The following OSGIN2 variants were observed in gnomAD, a reference collection of about 807,000 sequenced individuals.
OSGIN2 encodes oxidative stress induced growth inhibitor family member 2.
Under a neutral mutation model 53.8 loss-of-function variants are expected in OSGIN2, and 19 were observed. The ratio of observed to expected loss-of-function variants is 0.35; its 90% CI spans 0.25 to 0.52. The LOEUF is 0.52. Ranked by LOEUF, OSGIN2 falls within the 20% of genes least tolerant of loss-of-function variation. The probability of loss-of-function intolerance (pLI) is 0.95; values close to 1 mark genes in which losing one functional copy is unlikely to be tolerated. For synonymous variants in OSGIN2, 236 were observed against 236.0 expected (o/e 1.00, Z 0.00); for missense variants, 520 against 662.7 (o/e 0.78, Z 2.36).
At chr8:89,914,004 A>C in intron 2 of OSGIN2, 73 bp from the exon 3 acceptor site, 1 of 1,296,596 alleles carries the variant, frequency 7.7e-7, no homozygotes, top group Non-Finnish European at 1.1e-6. Context: ...CCATCTTCAA[A>C]GTAGGACAAA....
chr8:89,913,494 T>TA (rs1809013129), intron 2 of OSGIN2, among the ~76,000 whole-genome samples: 1 of 152,300 alleles, frequency 6.6e-6, no homozygotes, highest in East Asian at 1.9e-4. Context: ...TACCAAAACT[T>TA]ATGTGAATGT....
At chr8:89,905,598 GTTT>G (rs1808824161) in intron 1 of OSGIN2, among the ~76,000 whole-genome samples, 1 of 152,174 alleles carries the variant, frequency 6.6e-6, no homozygotes, top group Admixed American at 6.5e-5. Flanking sequence ...CACACTTTCC[GTTT>G]TTGTTTCCTT....
Position 89,924,700 on chromosome 8 carries a change from A to G in OSGIN2, c.818A>G (p.Asn273Ser), listed in dbSNP as rs778855680. Residue 273 changes from asparagine (N) to serine (S), a missense_variant, in exon 6 of 6, where the codon AAC (asparagine) becomes AGC (serine). Physicochemically the swap from Asn to Ser is conservative, Grantham distance 46 (BLOSUM62 1). Around this residue, in one of 3 missense-constraint regions of OSGIN2, gnomAD observed 78 missense variants for 59.1 expected, o/e 1.32. Transcript: ENST00000451899. Reference protein sequence around the residue: ...STKHLQIEKSNFIKRNWEIRG... With the variant: ...STKHLQIEKSSFIKRNWEIRG... ...AAGCATTTACAGATAGAGAAGTCAAACTTTATCAAGAGAAACTGGGAAATT... is the reference window on the plus strand; with the variant it reads ...AAGCATTTACAGATAGAGAAGTCAAGCTTTATCAAGAGAAACTGGGAAATT... 4 of 1,613,948 alleles carry G rather than the reference A, an allele frequency of 2.5e-6. No homozygotes were observed. The highest frequency in any genetic ancestry group is 2.5e-6 in the Non-Finnish European group (3 of 1,179,926).
chr8:89,913,829 T>C (rs1809021033), intron 2 of OSGIN2, among the ~76,000 whole-genome samples: 1 of 152,088 alleles, frequency 6.6e-6, no homozygotes, highest in Non-Finnish European at 1.5e-5. Flanking sequence ...CCTTGGGAAA[T>C]AGGTCAATTT....
chr8:89,925,358 A>C lies in OSGIN2; in HGVS notation c.1476A>C (p.Thr492=). 6.2e-7 allele frequency: 1 copy of C among 1,614,152 alleles called. No homozygotes were observed. The highest frequency in any genetic ancestry group is 8.5e-7 in the Non-Finnish European group (1 of 1,179,980). The change falls in exon 6 of 6, where the codon ACA becomes ACC. Residue 492 remains threonine, a synonymous_variant. Transcript: ENST00000451899. ...TCKGNPVEID[T]YTYECIKEAN... is the part of the protein sequence containing the mutation. ...AGGGTAATCCTGTGGAAATAGATAC[A>C]TATACCTATGAGTGTATTAAAGAAG...
intron 2 of OSGIN2, among the ~76,000 whole-genome samples, chr8:89,909,945 C>T (rs927349693): frequency 7.2e-5 from 11 of 152,148 alleles, no homozygotes; most frequent in East Asian, 1.9e-4. Flanking sequence ...GATATTACTA[C>T]ATTATTTTAA....
intron 5 of OSGIN2, among the ~76,000 whole-genome samples, 149 bp from the exon 6 acceptor site, chr8:89,924,348 CTAAAAA>C (rs985670499): frequency 4.6e-5 from 7 of 151,784 alleles, no homozygotes; most frequent in Admixed American, 1.3e-4. Flanking sequence ...AGATTTTTAA[CTAAAAA>C]TAGTTTTTTT....
At chr8:89,906,433 C>T (rs992194793) in intron 1 of OSGIN2, among the ~76,000 whole-genome samples, 34 of 152,012 alleles carry the variant, frequency 2.2e-4, no homozygotes, top group African/African-American at 8.2e-4. Context: ...CTCCTCCCAC[C>T]CTTCATCCTC....
At position 89,925,238 on chromosome 8, in the gene OSGIN2, A is replaced by G; in HGVS notation, c.1356A>G (p.Ala452=). 6.2e-7 allele frequency: 1 copy of G among 1,614,162 alleles called. No homozygotes were observed. The highest frequency in any genetic ancestry group is 8.5e-7 in the Non-Finnish European group (1 of 1,180,012). The change falls in exon 6 of 6, where the codon GCA becomes GCG. Residue 452 remains alanine (A), a synonymous_variant. Transcript: ENST00000451899. ...SGLKKIFKLS[A]AVVLIGSHPN... ...TGAAGAAAATATTTAAGCTGTCTGC[A>G]GCAGTAGTATTGATAGGTTCTCATC...
intron 4 of OSGIN2, among the ~76,000 whole-genome samples, chr8:89,917,682 T>C (rs999130159): frequency 1.1e-4 from 16 of 152,210 alleles, no homozygotes; most frequent in African/African-American, 3.4e-4. Context: ...AGAAGTGGTC[T>C]TGGTTCTTAT....
intron 5 of OSGIN2, chr8:89,921,441 CTG>C (rs1327687307): frequency 1.3e-5 from 4 of 308,836 alleles, no homozygotes; most frequent in Non-Finnish European, 2.4e-5. Flanking sequence ...ACATCACTCT[CTG>C]TTTAGTTACT....
rs1586011170 is a variant in OSGIN2 at position 89,924,762 on chromosome 8, C to T, written c.880C>T (p.Pro294Ser). Reference sequence around the variant, plus strand: ...GCGAATAGCTGATGGTTCTCATGTTCCCTTCTGCCTCTTTGCTGAGAATGT... The same window carrying T: ...GCGAATAGCTGATGGTTCTCATGTTTCCTTCTGCCTCTTTGCTGAGAATGT... Reference protein sequence around the residue: ...YQRIADGSHVPFCLFAENVAL... With the variant: ...YQRIADGSHVSFCLFAENVAL... Residue 294 changes from proline to serine, a missense_variant, in exon 6 of 6, where the codon CCC becomes TCC. Pro to Ser is a moderately conservative substitution (Grantham distance 74). This residue lies in a region of OSGIN2 where 239 missense variants were observed against 328.3 expected (regional missense o/e 0.73). Coordinates refer to ENST00000451899, the MANE Select transcript of OSGIN2 (RefSeq NM_001126111.3). 11 of 1,614,168 alleles carry T rather than the reference C, an allele frequency of 6.8e-6. No homozygotes were observed. The highest frequency in any genetic ancestry group is 1.1e-5 in the South Asian group (1 of 91,084).
Position 89,925,186 on chromosome 8 carries a change from A to C in OSGIN2, c.1304A>C (p.Lys435Thr), listed in dbSNP as rs771630987. The change falls in exon 6 of 6, where the codon AAA becomes ACA. Residue 435 changes from lysine to threonine, a missense_variant. Coordinates refer to ENST00000451899, the MANE Select transcript of OSGIN2 (RefSeq NM_001126111.3). ...HRVLSFKSDMKCVLQSVSGLK... is the reference protein window; with the variant it reads ...HRVLSFKSDMTCVLQSVSGLK... ...GTGCTTTCCTTTAAGTCGGACATGA[A>C]ATGTGTTCTCCAAAGCGTTTCTGGA... is the stretch of plus-strand genomic sequence containing the variant. 8 of 1,614,138 alleles carry C rather than the reference A, an allele frequency of 5.0e-6. No individual in the cohort carries two copies. Among genetic ancestry groups the C allele is most frequent in the Non-Finnish European group, 6.8e-6 (8 of 1,180,008 alleles).
Position 89,921,073 on chromosome 8 carries a change from C to CT in OSGIN2, c.529-6dup. ...GACGGTACATTTTTTTTTTTAAACT[C>CT]TAATAGAATATGGAAGGCTCCATGT... On this transcript the variant is annotated splice_polypyrimidine_tract_variant and splice_region_variant and intron_variant, in intron 4 of 5. Coordinates refer to ENST00000451899, the MANE Select transcript of OSGIN2 (RefSeq NM_001126111.3). 6.5e-7 allele frequency: 1 copy of CT among 1,529,286 alleles called. No homozygotes were observed. Among genetic ancestry groups the CT allele is most frequent in the Non-Finnish European group, 8.9e-7 (1 of 1,122,584 alleles). The allele number at this position is 1,529,286 out of a possible 1,614,324, so 94.7% of individuals were successfully genotyped here.
intron 2 of OSGIN2, among the ~76,000 whole-genome samples, chr8:89,911,856 T>C (rs967931396): frequency 1.3e-5 from 2 of 151,492 alleles, no homozygotes; most frequent in Non-Finnish European, 2.9e-5. Flanking sequence ...GAGAATGGTG[T>C]GAACCCGTGA....
At chr8:89,908,648 C>G (rs897338353) in intron 1 of OSGIN2, among the ~76,000 whole-genome samples, 1 of 152,018 alleles carries the variant, frequency 6.6e-6, no homozygotes, top group Admixed American at 6.6e-5. Context: ...TTAAGGGATT[C>G]TATTCTAAAG....
intron 5 of OSGIN2, 134 bp from the exon 6 acceptor site, chr8:89,924,369 A>C (rs973764857): frequency 3.4e-6 from 2 of 584,788 alleles, no homozygotes; most frequent in Non-Finnish European, 5.6e-6. Context: ...TTTTTTTTTA[A>C]GTGTTAGGAT....
rs769649999 is a variant in OSGIN2, at chr8:89,909,552, T to C, written c.45-15T>C. 142 of 1,259,348 alleles carry C rather than the reference T, an allele frequency of 1.1e-4. No individual in the cohort carries two copies. Among genetic ancestry groups the C allele is most frequent in the African/African-American group, 1.1e-3 (69 of 63,444 alleles). The allele number at this position is 1,259,348 out of a possible 1,614,324, so 78.0% of individuals were successfully genotyped here. A position where few individuals can be genotyped will look rare whatever the true frequency, so the allele number is the denominator to read the frequency against. On this transcript the variant is annotated splice_polypyrimidine_tract_variant and intron_variant, in intron 1 of 5. Coordinates refer to ENST00000451899, the MANE Select transcript of OSGIN2 (RefSeq NM_001126111.3). The stretch of plus-strand genomic sequence containing the variant: ...GACTATATCTCTTTTTATTCCCCCT[T>C]TTTTTTTTTTAAAGAAACTATAGTG...
At chr8:89,910,345 T>C (rs914727373) in intron 2 of OSGIN2, among the ~76,000 whole-genome samples, 5 of 152,372 alleles carry the variant, frequency 3.3e-5, no homozygotes, top group East Asian at 1.9e-4. Flanking sequence ...TTACCTGTTA[T>C]GTATATTTTT....
Sources: gnomAD v4.1 joint callset for allele counts (sites outside exome capture counted in the v4.1 genomes callset) on GRCh38, gnomAD v4.1.1 for gene constraint, gnomAD v4.1.1 regional missense constraint, MANE v1.5 for transcripts, NCBI Gene and HGNC (gene_info 2026-07-23, HGNC 2026-07-21) for gene names.